CAPN7: variants seen among roughly 807,000 people sequenced by gnomAD.
CAPN7 encodes the protein calpain 7.
CAPN7 carries 72 observed loss-of-function variants against 115.2 expected under a neutral mutation model. The observed-to-expected ratio is 0.63, with a 90% CI of 0.52 to 0.76. The LOEUF (loss-of-function observed/expected upper bound fraction) is 0.76, where lower values mean the gene tolerates loss of function less well. CAPN7 is among the 30% of genes least tolerant of loss of function. The pLI, the probability that CAPN7 is intolerant of heterozygous loss-of-function variation, is 0.00. For missense variants in CAPN7, 905 were observed against 971.5 expected (o/e 0.93, Z 0.91); for synonymous variants, 344 against 322.3 (o/e 1.07, Z -0.72).
rs76410071 is a variant in CAPN7, at chr3:15,248,380, T to C, written c.2204+923T>C. ...CTACACACAACATAATGGATAAGTC[T>C]TAAAAAGCCACATGTACAGAATACA... On this transcript the variant is annotated intron_variant, in intron 19 of 20. Transcript: ENST00000253693. Among the ~76,000 whole-genome samples the C allele has an allele frequency of 4.4e-3, 674 of 152,234 alleles. 11 individuals are homozygous for C. The highest frequency in any genetic ancestry group is 0.015 in the African/African-American group (638 of 41,542).
At chr3:15,233,551 G>T (rs568192867) in intron 10 of CAPN7, among the ~76,000 whole-genome samples, 1 of 152,276 alleles carries the variant, frequency 6.6e-6, no homozygotes, top group East Asian at 1.9e-4. Flanking sequence ...GAACATCATT[G>T]CAAGAACTCA....
intron 10 of CAPN7, among the ~76,000 whole-genome samples, chr3:15,233,623 T>G (rs1396591308): frequency 6.6e-6 from 1 of 152,196 alleles, no homozygotes; most frequent in Non-Finnish European, 1.5e-5. Context: ...TTTTATCATA[T>G]TCACCTGTAA....
intron 2 of CAPN7, among the ~76,000 whole-genome samples, chr3:15,216,087 CAAAAA>C (rs57720852): frequency 1.4e-5 from 2 of 143,926 alleles, no homozygotes; most frequent in Non-Finnish European, 1.5e-5. Context: ...GATTCTGTCT[CAAAAA>C]AAAAAAATTC....
chr3:15,226,903 C>T (rs541596856), intron 6 of CAPN7, among the ~76,000 whole-genome samples: 1 of 151,624 alleles, frequency 6.6e-6, no homozygotes, highest in South Asian at 2.1e-4. Flanking sequence ...TATATACTTT[C>T]TATTACTAGG....
At chr3:15,248,142 A>G (rs1009066501) in intron 19 of CAPN7, among the ~76,000 whole-genome samples, 1 of 152,064 alleles carries the variant, frequency 6.6e-6, no homozygotes, top group Non-Finnish European at 1.5e-5. Flanking sequence ...AACCTGCACA[A>G]TGTGCACATG....
intron 6 of CAPN7, among the ~76,000 whole-genome samples, chr3:15,223,925 G>A (rs1694148836): frequency 6.6e-6 from 1 of 152,178 alleles, no homozygotes; most frequent in South Asian, 2.1e-4. Flanking sequence ...TTACTAAGAA[G>A]ACCAATTCAA....
At position 15,212,202 on chromosome 3, in the gene CAPN7, A is replaced by G. The variant is rs765392901; in HGVS notation, c.201A>G (p.Leu67=). Residue 67 remains leucine (L), a synonymous_variant, in exon 2 of 21, where the codon CTA becomes CTG. Coordinates refer to ENST00000253693, the MANE Select transcript of CAPN7 (RefSeq NM_014296.3). Reference sequence around the variant, plus strand: ...AGTATCTGGAAAGAGTTCAAGCTCTACATTCAGCAGGTTAGTAAAGGACTA... The same window carrying G: ...AGTATCTGGAAAGAGTTCAAGCTCTGCATTCAGCAGGTTAGTAAAGGACTA... The part of the protein sequence containing the change: ...ITEYLERVQA[L]HSAVQSKSAD... 6.3e-7 allele frequency: 1 copy of G among 1,592,960 alleles called. No individual in the cohort carries two copies. The highest frequency in any genetic ancestry group is 2.3e-5 in the East Asian group (1 of 44,406).
intron 1 of CAPN7, among the ~76,000 whole-genome samples, chr3:15,206,923 A>T (rs750732531): frequency 4.6e-5 from 7 of 152,256 alleles, no homozygotes; most frequent in Non-Finnish European, 1.0e-4. Context: ...CTTGACTCTG[A>T]TTTACAGCTA....
At chr3:15,250,180 C>G (rs1171035737) in intron 19 of CAPN7, among the ~76,000 whole-genome samples, 1 of 151,466 alleles carries the variant, frequency 6.6e-6, no homozygotes, top group African/African-American at 2.4e-5. Context: ...CCAGACCAGC[C>G]TGGGCAGCAT....
At chr3:15,249,623 C>A (rs1458131428) in intron 19 of CAPN7, among the ~76,000 whole-genome samples, 1 of 151,852 alleles carries the variant, frequency 6.6e-6, no homozygotes, top group Non-Finnish European at 1.5e-5. Context: ...TTTTTTGTTA[C>A]CTCATCACCA....
chr3:15,232,430 T>C, intron 9 of CAPN7, 89 bp from the exon 10 acceptor site: 3 of 987,214 alleles, frequency 3.0e-6, no homozygotes, highest in Non-Finnish European at 4.5e-6. Context: ...TTATATTTTA[T>C]CAGTATGAAA....
intron 12 of CAPN7, among the ~76,000 whole-genome samples, chr3:15,237,875 G>T (rs1695087565): frequency 1.3e-5 from 2 of 151,860 alleles, no homozygotes; most frequent in African/African-American, 4.8e-5. Flanking sequence ...TAATTGGGAG[G>T]CTGAGGTAGG....
intron 19 of CAPN7, among the ~76,000 whole-genome samples, chr3:15,250,285 G>A (rs544780822): frequency 1.3e-5 from 2 of 152,142 alleles, no homozygotes; most frequent in South Asian, 4.1e-4. Flanking sequence ...GCTAAGGTGG[G>A]AGAATCCCGA....
chr3:15,224,479 G>T (rs553347085), intron 6 of CAPN7, among the ~76,000 whole-genome samples: 1 of 151,872 alleles, frequency 6.6e-6, no homozygotes, highest in East Asian at 1.9e-4. Flanking sequence ...TACCATTTTG[G>T]CCAGGCTGGT....
chr3:15,223,608 C>T, intron 6 of CAPN7, 47 bp downstream of exon 6: 3 of 1,123,308 alleles, frequency 2.7e-6, no homozygotes, highest in Non-Finnish European at 3.9e-6. Flanking sequence ...TTTAACTTTT[C>T]AGTACTCTGA....
intron 8 of CAPN7, 31 bp downstream of exon 8, chr3:15,229,090 G>A: frequency 6.8e-7 from 1 of 1,471,192 alleles, no homozygotes; most frequent in Non-Finnish European, 9.5e-7. Context: ...ACCTCTTTTT[G>A]TGTAATTGTC....
chr3:15,218,222 C>T (rs1218991191), intron 3 of CAPN7, among the ~76,000 whole-genome samples: 2 of 152,192 alleles, frequency 1.3e-5, no homozygotes, highest in African/African-American at 2.4e-5. Flanking sequence ...CAGCGTTCCA[C>T]AGCACTATGG....
intron 2 of CAPN7, 48 bp from the exon 3 acceptor site, chr3:15,217,377 G>C: frequency 7.1e-7 from 1 of 1,405,514 alleles, no homozygotes; most frequent in Non-Finnish European, 9.5e-7. Flanking sequence ...GTGTTTTCTG[G>C]CTGTATTTAG....
At chr3:15,246,023 C>A in intron 17 of CAPN7, 1 of 159,260 alleles carries the variant, frequency 6.3e-6, no homozygotes, top group Non-Finnish European at 1.4e-5. Flanking sequence ...CTCACTGCAG[C>A]CTCCACTTCC....
Sources: allele counts gnomAD v4.1 joint callset (sites outside exome capture counted in the v4.1 genomes callset), GRCh38; gene constraint gnomAD v4.1.1; transcripts MANE v1.5; gene names NCBI Gene and HGNC (gene_info 2026-07-23, HGNC 2026-07-21).